Variants in SYNPR observed in about 807,000 individuals in gnomAD.
SYNPR encodes synaptoporin.
SYNPR carries 23 observed loss-of-function variants against 32.9 expected under a neutral mutation model. The ratio of observed to expected loss-of-function variants is 0.70; its 90% CI spans 0.50 to 0.99. The LOEUF is 0.99. Ranked by LOEUF, SYNPR falls within the 50% of genes least tolerant of loss-of-function variation. SYNPR has a pLI of 0.00. For synonymous variants in SYNPR, 146 were observed against 135.9 expected, an observed-to-expected ratio of 1.07 and a Z score of -0.52; for missense variants, 318 against 349.3, an observed-to-expected ratio of 0.91 and a Z score of 0.71.
chr3:63,602,221 G>T (rs1316720829), intron 4 of SYNPR, among the ~76,000 whole-genome samples: 1 of 152,060 alleles, frequency 6.6e-6, no homozygotes, highest in African/African-American at 2.4e-5. Context: ...ATTTGTTTAA[G>T]TTCCTTATAG....
At chr3:63,510,910 TACAAC>T (rs1701684160) in intron 3 of SYNPR, among the ~76,000 whole-genome samples, 2 of 139,534 alleles carry the variant, frequency 1.4e-5, no homozygotes, top group Non-Finnish European at 3.2e-5. Flanking sequence ...AGGCAAAAGG[TACAAC>T]TGTGTGTGTG....
At chr3:63,547,524 C>T (rs1222088972) in intron 3 of SYNPR, among the ~76,000 whole-genome samples, 4 of 152,068 alleles carry the variant, frequency 2.6e-5, no homozygotes, top group South Asian at 2.1e-4. Flanking sequence ...TTCCAATCAA[C>T]GTGAGTTTTT....
chr3:63,503,599 T>C (rs923319725), intron 3 of SYNPR, among the ~76,000 whole-genome samples: 1 of 152,122 alleles, frequency 6.6e-6, no homozygotes, highest in Non-Finnish European at 1.5e-5. Context: ...TATTGTTTTG[T>C]AGAAAGTCAC....
At chr3:63,466,761 A>T (rs1700690277) in intron 2 of SYNPR, among the ~76,000 whole-genome samples, 2 of 134,058 alleles carry the variant, frequency 1.5e-5, no homozygotes, top group South Asian at 4.4e-4. Context: ...AGAAAGTGTC[A>T]GCTCTCTGGT....
chr3:63,303,547 T>C (rs2086878602), intron 2 of SYNPR, among the ~76,000 whole-genome samples: 1 of 152,066 alleles, frequency 6.6e-6, no homozygotes, highest in African/African-American at 2.4e-5. Flanking sequence ...CTTTATCCTA[T>C]GGGGTCAGAC....
chr3:63,349,813 C>T (rs1000099051), intron 2 of SYNPR, among the ~76,000 whole-genome samples: 2 of 152,172 alleles, frequency 1.3e-5, no homozygotes, highest in Non-Finnish European at 2.9e-5. Context: ...ACAGCTGTAC[C>T]TAGTCTGAGT....
chr3:63,376,455 C>T (rs921358988), intron 2 of SYNPR, among the ~76,000 whole-genome samples: 1 of 152,132 alleles, frequency 6.6e-6, no homozygotes, highest in Non-Finnish European at 1.5e-5. Flanking sequence ...TTTCTCATCT[C>T]TCTACCTCAC....
chr3:63,272,682 C>T (rs1392195577), intron 3 of SYNPR, among the ~76,000 whole-genome samples: 4 of 152,028 alleles, frequency 2.6e-5, no homozygotes, highest in Non-Finnish European at 5.9e-5. Context: ...CAATGAAATG[C>T]CATACCTTCA....
At chr3:63,241,813 G>T (rs9819827) in intron 1 of SYNPR, among the ~76,000 whole-genome samples, 58,283 of 151,734 alleles carry the variant, frequency 0.38, 11,611 homozygotes, top group African/African-American at 0.44. Context: ...TTTTAGTTGG[G>T]TTTTTTGTTA....
chr3:63,570,057 A>T (rs1702859853), intron 4 of SYNPR, among the ~76,000 whole-genome samples: 1 of 152,028 alleles, frequency 6.6e-6, no homozygotes, highest in Non-Finnish European at 1.5e-5. Flanking sequence ...TGTTTGTTTC[A>T]CTCATTCTGT....
chr3:63,569,961 G>A (rs1345801850), intron 4 of SYNPR, among the ~76,000 whole-genome samples: 3 of 152,148 alleles, frequency 2.0e-5, no homozygotes, highest in Non-Finnish European at 4.4e-5. Context: ...GTCGGCCTTG[G>A]GGAGCTTCTA....
intron 4 of SYNPR, among the ~76,000 whole-genome samples, chr3:63,561,064 G>A (rs1702680106): frequency 6.6e-6 from 1 of 152,186 alleles, no homozygotes; most frequent in Non-Finnish European, 1.5e-5. Flanking sequence ...CAAAATTGCT[G>A]TATCAGGTGA....
chr3:63,379,502 G>A (rs1560210644), intron 2 of SYNPR, among the ~76,000 whole-genome samples: 1 of 151,990 alleles, frequency 6.6e-6, no homozygotes, highest in Admixed American at 6.6e-5. Flanking sequence ...TTGTAGCTCT[G>A]TTTTTTGGTA....
At chr3:63,204,019 A>G in the SYNPR span, among the ~76,000 whole-genome samples, 3 of 151,926 alleles carry the variant, frequency 2.0e-5, no homozygotes, top group African/African-American at 4.8e-5. Context: ...AAACAAAAAA[A>G]AGTTTGCTGG....
At chr3:63,534,619 T>G (rs918485698) in intron 3 of SYNPR, among the ~76,000 whole-genome samples, 1 of 152,172 alleles carries the variant, frequency 6.6e-6, no homozygotes, top group South Asian at 2.1e-4. Flanking sequence ...TAGCCGAGAC[T>G]GAGTAGTCTA....
chr3:63,393,174 A>C (rs775891727), intron 2 of SYNPR, among the ~76,000 whole-genome samples: 1 of 152,204 alleles, frequency 6.6e-6, no homozygotes, highest in Non-Finnish European at 1.5e-5. Flanking sequence ...CACAGAATCA[A>C]ACACACCAAA....
chr3:63,220,936 A>ATGTCTGT, the SYNPR span, among the ~76,000 whole-genome samples: 1 of 152,184 alleles, frequency 6.6e-6, no homozygotes, highest in African/African-American at 2.4e-5. Flanking sequence ...TTTATAACCA[A>ATGTCTGT]TATGCAATTC....
chr3:63,532,761 A>T (rs1005248313), intron 3 of SYNPR, among the ~76,000 whole-genome samples: 1 of 152,230 alleles, frequency 6.6e-6, no homozygotes, highest in African/African-American at 2.4e-5. Flanking sequence ...TTAGGCACAG[A>T]CGTGCAAGGT....
chr3:63,499,960 G>C (rs1701447854), intron 3 of SYNPR, among the ~76,000 whole-genome samples: 1 of 152,000 alleles, frequency 6.6e-6, no homozygotes, highest in Admixed American at 6.6e-5. Flanking sequence ...GGCTAAAGGT[G>C]TTAAAACACT....
Sources: allele counts gnomAD v4.1 joint callset (sites outside exome capture counted in the v4.1 genomes callset), GRCh38; gene constraint gnomAD v4.1.1; transcripts MANE v1.5; gene names NCBI Gene and HGNC (gene_info 2026-07-23, HGNC 2026-07-21).